Variants in RNF213 observed in about 807,000 individuals in gnomAD.
RNF213 encodes the protein ring finger protein 213.
Under a neutral mutation model 514.4 loss-of-function variants are expected in RNF213, and 341 were observed. That is an observed-to-expected ratio of 0.66 (90% CI 0.61 to 0.73). The LOEUF is 0.73. Among genes scored for constraint, RNF213 ranks in the 30% least tolerant of loss-of-function variants. RNF213 has a pLI of 0.00. For synonymous variants in RNF213, 2,655 were observed against 2,658.2 expected (o/e 1.00, Z 0.04); for missense variants, 5,767 against 6,615.6 (o/e 0.87, Z 4.45).
chr17:80,347,786 A>G lies in RNF213; in HGVS notation c.9451A>G (p.Ile3151Val), dbSNP rs2078363136. The G allele has an allele frequency of 3.1e-6, 5 of 1,614,182 alleles. No homozygotes were observed. Among genetic ancestry groups the G allele is most frequent in the African/African-American group, 1.3e-5 (1 of 75,064 alleles). ...RVHPNFRLIV[I>V]EEKDVVYKHF... is the part of the protein sequence containing the mutation. ...TCACCCCAACTTCCGCCTGATTGTC[A>G]TTGAAGAGAAAGACGTCGTGTACAA... Residue 3151 changes from isoleucine (I) to valine (V), a missense_variant, in exon 29 of 68, where the codon ATT becomes GTT. Ile to Val is a conservative substitution (Grantham distance 29, BLOSUM62 3). Transcript: ENST00000582970. The surrounding 1 kb of genome is among the most constrained non-coding windows in gnomAD (Gnocchi z 7.2).
rs2079756255 is a variant in RNF213 at position 80,376,284 on chromosome 17, A to T, written c.13186-17A>T. The T allele has an allele frequency of 2.5e-6, 4 of 1,614,052 alleles. No individual in the cohort carries two copies. Among genetic ancestry groups the T allele is most frequent in the Non-Finnish European group, 2.5e-6 (3 of 1,179,920 alleles). ...TATTCTTTGATACATCTTAATGTTAAGTTTTTTTCCTGTCAGCAATGTGAA... is the reference window on the plus strand; with the variant it reads ...TATTCTTTGATACATCTTAATGTTATGTTTTTTTCCTGTCAGCAATGTGAA... On this transcript the variant is annotated splice_polypyrimidine_tract_variant and intron_variant, in intron 51 of 67. Transcript: ENST00000582970.
In RNF213 at chr17:80,358,383, C is replaced by T. The variant is rs776883267; in HGVS notation, c.10958C>T (p.Thr3653Ile). The T allele has an allele frequency of 3.7e-6, 6 of 1,613,972 alleles. No individual in the cohort carries two copies. In the African/African-American group the frequency reaches 6.7e-5, roughly 18 times the overall value. Residue 3653 changes from threonine (T) to isoleucine (I), a missense_variant, in exon 37 of 68, where the codon ACC becomes ATC. This residue lies in a region of RNF213 where 919 missense variants were observed against 1,121.0 expected (regional missense o/e 0.82). Coordinates refer to ENST00000582970, the MANE Select transcript of RNF213 (RefSeq NM_001256071.3). ...AGAGACGGCAACCTAGAGTTACTGA[C>T]CAGGCCAGATACTCCGCCCTGGGCA... The part of the protein sequence containing the change: ...IDRDGNLELL[T>I]RPDTPPWARD...
At position 80,351,787 on chromosome 17, in the gene RNF213, T is replaced by C; in HGVS notation, c.10287T>C (p.Tyr3429=). ...CCCGGGTGGGAAGAGGAACAGCCTATGTGGGCTTCCACGGAGGTGAGATCA... is the reference window on the plus strand; with the variant it reads ...CCCGGGTGGGAAGAGGAACAGCCTACGTGGGCTTCCACGGAGGTGAGATCA... ...KLSRVGRGTA[Y]VGFHGGLWQS... Residue 3429 remains tyrosine, a synonymous_variant, in exon 32 of 68, where the codon TAT becomes TAC. Transcript: ENST00000582970. 6.3e-7 allele frequency: 1 copy of C among 1,584,760 alleles called. No individual in the cohort carries two copies.
chr17:80,268,282 A>AGGTCAAC (rs1473493339), intron 2 of RNF213, among the ~76,000 whole-genome samples: 2 of 142,886 alleles, frequency 1.4e-5, no homozygotes, highest in African/African-American at 2.6e-5. Context: ...GGAGCCCAGG[A>AGGTCAAC]GGTCAACGCT....
At chr17:80,323,482 G>A (rs1418073860) in intron 17 of RNF213, among the ~76,000 whole-genome samples, 3 of 152,112 alleles carry the variant, frequency 2.0e-5, no homozygotes, top group Admixed American at 2.0e-4. Flanking sequence ...AGTTTGGAGA[G>A]CATTGCCATC....
Position 80,344,986 on chromosome 17 carries a change from C to A in RNF213, c.6651C>A (p.Asn2217Lys). The A allele has an allele frequency of 6.2e-7, 1 of 1,614,186 alleles. No individual in the cohort carries two copies. The highest frequency in any genetic ancestry group is 8.5e-7 in the Non-Finnish European group (1 of 1,180,040). The change falls in exon 29 of 68, where the codon AAC becomes AAA. Residue 2217 changes from asparagine (N) to lysine (K), a missense_variant. Coordinates refer to ENST00000582970, the MANE Select transcript of RNF213 (RefSeq NM_001256071.3). ...VINPSWSELRNFARFLNYQLR... is the reference protein window; with the variant it reads ...VINPSWSELRKFARFLNYQLR... ...ACCCATCCTGGTCAGAGCTTCGGAA[C>A]TTTGCTCGGTTCCTGAATTATCAGC...
intron 67 of RNF213, 137 bp downstream of exon 67, chr17:80,390,333 T>C (rs960511592): frequency 7.1e-6 from 7 of 986,242 alleles, no homozygotes; most frequent in Non-Finnish European, 1.1e-5. Context: ...CCAGGGCACC[T>C]GAGGACTGGC....
At position 80,371,872 on chromosome 17, in the gene RNF213, A is replaced by G. The variant is rs1218113322; in HGVS notation, c.12426-2A>G. The G allele has an allele frequency of 1.4e-6, 2 of 1,385,548 alleles. No homozygotes were observed. The highest frequency in any genetic ancestry group is 2.1e-6 in the Non-Finnish European group (2 of 971,982). 85.8% of individuals were successfully genotyped at this position (1,385,548 alleles called of 1,614,324 possible). A position where few individuals can be genotyped will look rare whatever the true frequency, so the allele number is the denominator to read the frequency against. ...CCAGGAATAATATTTCTCTTTCTGCAGCTTTCATGATGTAAAAGATTATAT... is the reference window on the plus strand; with the variant it reads ...CCAGGAATAATATTTCTCTTTCTGCGGCTTTCATGATGTAAAAGATTATAT... On this transcript the variant is annotated splice_acceptor_variant, in intron 46 of 67. Coordinates refer to ENST00000582970, the MANE Select transcript of RNF213 (RefSeq NM_001256071.3). LOFTEE classifies it high-confidence loss of function.
rs1488287612 is a variant in RNF213, at chr17:80,377,891, C to T, written c.13545+95C>T. 9.3e-6 allele frequency: 13 copies of T among 1,400,664 alleles called. No individual in the cohort carries two copies. Among genetic ancestry groups the T allele is most frequent in the Non-Finnish European group, 1.2e-5 (12 of 986,662 alleles). 86.8% of individuals were successfully genotyped at this position (1,400,664 alleles called of 1,614,324 possible). A position where few individuals can be genotyped will look rare whatever the true frequency, so the allele number is the denominator to read the frequency against. On this transcript the variant is annotated intron_variant, in intron 54 of 67. Coordinates refer to ENST00000582970, the MANE Select transcript of RNF213 (RefSeq NM_001256071.3). The surrounding 1 kb of genome is among the most constrained non-coding windows in gnomAD (Gnocchi z 4.1). The stretch of plus-strand genomic sequence containing the variant: ...GGGTCAGGAGAGTGAGGCTCTCGGC[C>T]TTCCAGGAGAGCACAGGCTCACCGA...
chr17:80,323,179 C>A (rs1221256307), intron 17 of RNF213, among the ~76,000 whole-genome samples: 1 of 152,152 alleles, frequency 6.6e-6, no homozygotes, highest in Non-Finnish European at 1.5e-5. Context: ...GCACTCTTGT[C>A]AAAAATCTGT....
chr17:80,358,044 C>G (rs549600375), intron 36 of RNF213, among the ~76,000 whole-genome samples: 1 of 152,298 alleles, frequency 6.6e-6, no homozygotes. Context: ...AACCTAATGA[C>G]AGTTTATTAG....
chr17:80,369,444 C>A (rs1255067284), intron 44 of RNF213, 58 bp from the exon 45 acceptor site: 2 of 1,406,232 alleles, frequency 1.4e-6, no homozygotes, highest in Non-Finnish European at 2.0e-6. Context: ...TCAAGTCATT[C>A]TGTAAGGAGG....
chr17:80,361,231 C>G (rs2079043771), intron 38 of RNF213, among the ~76,000 whole-genome samples: 1 of 152,124 alleles, frequency 6.6e-6, no homozygotes, highest in South Asian at 2.1e-4. Context: ...TATTTTATTC[C>G]ACTGGAAAAA....
At chr17:80,320,030 T>G (rs2046086038) in intron 17 of RNF213, 1 of 1,024,260 alleles carries the variant, frequency 9.8e-7, no homozygotes, top group Non-Finnish European at 1.2e-6. Context: ...TGTTGAGATA[T>G]TGTTCGTATG....
At chr17:80,389,790 A>G in intron 65 of RNF213, 38 bp from the exon 66 acceptor site, 1 of 1,540,128 alleles carries the variant, frequency 6.5e-7, no homozygotes, top group Non-Finnish European at 9.0e-7. Flanking sequence ...GGGGTGTGAG[A>G]CCTCAGCCCC....
chr17:80,322,151 C>G (rs1455089179), intron 17 of RNF213, among the ~76,000 whole-genome samples: 1 of 49,014 alleles, frequency 2.0e-5, no homozygotes, highest in African/African-American at 9.6e-5. Context: ...CTCATCCCCC[C>G]CACCCCCCCT....
chr17:80,383,910 C>T lies in RNF213; in HGVS notation c.14304C>T (p.Leu4768=), dbSNP rs1460439286. The change falls in exon 59 of 68, where the codon CTC becomes CTT. Residue 4768 remains leucine, a synonymous_variant. Transcript: ENST00000582970. ...QKNGKERVPI[L]WHFLQKEAEL... Reference sequence around the variant, plus strand: ...ATGGCAAAGAAAGAGTGCCCATCCTCTGGCATTTCCTGCAGAAGGTATGTC... The same window carrying T: ...ATGGCAAAGAAAGAGTGCCCATCCTTTGGCATTTCCTGCAGAAGGTATGTC... 1 of 1,614,186 alleles carries T rather than the reference C, an allele frequency of 6.2e-7. No individual in the cohort carries two copies. Among genetic ancestry groups the T allele is most frequent in the East Asian group, 2.2e-5 (1 of 44,886 alleles).
Position 80,374,546 on chromosome 17 carries a change from C to G in RNF213, c.13031C>G (p.Ala4344Gly). Residue 4344 changes from alanine to glycine, a missense_variant, in exon 50 of 68, where the codon GCT becomes GGT. Physicochemically the swap from Ala to Gly is moderately conservative, Grantham distance 60. This residue lies in a region of RNF213 where 1,245 missense variants were observed against 1,339.0 expected (regional missense o/e 0.93). Coordinates refer to ENST00000582970, the MANE Select transcript of RNF213 (RefSeq NM_001256071.3). Reference sequence around the variant, plus strand: ...GCTCTCCGTGATGCTGTGGCCAAAGCTGTCCTCGAGTGCAAGCCACTGGGC... The same window carrying G: ...GCTCTCCGTGATGCTGTGGCCAAAGGTGTCCTCGAGTGCAAGCCACTGGGC... ...YKALRDAVAK[A>G]VLECKPLGIK... 6.2e-7 allele frequency: 1 copy of G among 1,614,222 alleles called. No individual in the cohort carries two copies. The highest frequency in any genetic ancestry group is 8.5e-7 in the Non-Finnish European group (1 of 1,180,044).
chr17:80,313,908 G>A lies in RNF213; in HGVS notation c.2811+741G>A, dbSNP rs1173950592. ...GGTACTGGAGGTGATGGTGGTGGTG[G>A]TGGTGATGGTGGAGGTGGTGGAGGT... On this transcript the variant is annotated intron_variant, in intron 15 of 67. Transcript: ENST00000582970. 2.8e-3 allele frequency among the ~76,000 whole-genome samples: 42 copies of A among 14,814 alleles called. 7 individuals are homozygous for A. Among genetic ancestry groups the A allele is most frequent in the African/African-American group, 4.8e-3 (13 of 2,726 alleles). The allele number at this position is 14,814 out of a possible 152,430, so 9.7% of individuals were successfully genotyped here. A position where few individuals can be genotyped will look rare whatever the true frequency, so the allele number is the denominator to read the frequency against.
Sources: allele counts gnomAD v4.1 joint callset (sites outside exome capture counted in the v4.1 genomes callset), GRCh38; gene constraint gnomAD v4.1.1; regional missense constraint gnomAD v4.1.1; non-coding constraint Gnocchi (gnomAD v3.1); transcripts MANE v1.5; gene names NCBI Gene and HGNC (gene_info 2026-07-23, HGNC 2026-07-21).